Variants in ARHGEF12 observed in about 807,000 individuals in gnomAD.
ARHGEF12 encodes the protein Rho guanine nucleotide exchange factor 12, also known as KMT2A/ARHGEF12 fusion protein.
In ARHGEF12, 66 loss-of-function variants were observed where a neutral mutation model predicts 211.2. The observed-to-expected ratio is 0.31, with a 90% CI of 0.26 to 0.38. The LOEUF is 0.38. ARHGEF12 is among the 10% of genes least tolerant of loss of function. The probability of loss-of-function intolerance (pLI) is 1.00; values close to 1 mark genes in which losing one functional copy is unlikely to be tolerated. For synonymous variants in ARHGEF12, 592 were observed against 638.4 expected, an observed-to-expected ratio of 0.93 and a Z score of 1.09; for missense variants, 1,429 against 1,869.5, an observed-to-expected ratio of 0.76 and a Z score of 4.34.
chr11:120,429,131 A>G (rs1304709547), intron 8 of ARHGEF12, among the ~76,000 whole-genome samples: 1 of 152,222 alleles, frequency 6.6e-6, no homozygotes, highest in East Asian at 1.9e-4. Context: ...GATCGATAGT[A>G]AAGATCCAAA....
chr11:120,431,195 C>G (rs539021317), intron 10 of ARHGEF12, among the ~76,000 whole-genome samples: 39 of 152,162 alleles, frequency 2.6e-4, no homozygotes, highest in Non-Finnish European at 4.6e-4. Context: ...GAGGCTGAGG[C>G]AGGAGAATGG....
chr11:120,413,235 T>C (rs1944938443), intron 4 of ARHGEF12, among the ~76,000 whole-genome samples: 1 of 152,200 alleles, frequency 6.6e-6, no homozygotes, highest in Non-Finnish European at 1.5e-5. Flanking sequence ...TTGTCTTGAG[T>C]GAATTACCAC....
intron 2 of ARHGEF12, 81 bp from the exon 3 acceptor site, chr11:120,407,657 A>T: frequency 9.8e-7 from 1 of 1,018,216 alleles, no homozygotes; most frequent in South Asian, 1.4e-5. Context: ...TTTTTCTTGT[A>T]AGATCCACTT....
chr11:120,377,018 G>A (rs895246023), intron 1 of ARHGEF12, among the ~76,000 whole-genome samples: 33 of 152,114 alleles, frequency 2.2e-4, no homozygotes, highest in African/African-American at 6.7e-4. Context: ...TATATGTACC[G>A]CATTTTCTTT....
intron 27 of ARHGEF12, chr11:120,463,203 A>G (rs1294478690): frequency 6.6e-6 from 1 of 152,238 alleles, no homozygotes; most frequent in Non-Finnish European, 1.5e-5. Context: ...TCAGAAATCA[A>G]GGAACATCTA....
intron 1 of ARHGEF12, among the ~76,000 whole-genome samples, chr11:120,355,891 T>C (rs1181460706): frequency 6.6e-6 from 1 of 152,218 alleles, no homozygotes; most frequent in Non-Finnish European, 1.5e-5. Flanking sequence ...CAGGACACTT[T>C]AATAGGAGTG....
intron 1 of ARHGEF12, among the ~76,000 whole-genome samples, chr11:120,404,523 C>T (rs1221356461): frequency 6.6e-6 from 1 of 152,096 alleles, no homozygotes; most frequent in Admixed American, 6.5e-5. Flanking sequence ...GGACTGTGGG[C>T]GTGGTCCTTG....
At chr11:120,414,458 T>A (rs1591560454) in intron 4 of ARHGEF12, among the ~76,000 whole-genome samples, 7 of 152,154 alleles carry the variant, frequency 4.6e-5, no homozygotes, top group Admixed American at 4.6e-4. Flanking sequence ...TGTATAAAAT[T>A]CAAATTTATT....
At chr11:120,360,909 T>G (rs17123851) in intron 1 of ARHGEF12, among the ~76,000 whole-genome samples, 2,615 of 152,298 alleles carry the variant, frequency 0.017, 84 homozygotes, top group African/African-American at 0.06. Flanking sequence ...GAATACTATT[T>G]TTGGTCAGTT....
chr11:120,463,414 A>G (rs1247625214), intron 27 of ARHGEF12: 1 of 151,190 alleles, frequency 6.6e-6, no homozygotes, highest in Non-Finnish European at 1.5e-5. Context: ...AATCCCAGCT[A>G]CTCGGGAGGC....
At chr11:120,358,206 A>G (rs73010505) in intron 1 of ARHGEF12, among the ~76,000 whole-genome samples, 8 of 152,316 alleles carry the variant, frequency 5.3e-5, no homozygotes, top group East Asian at 1.9e-4. Flanking sequence ...GACATTTTTC[A>G]GTAATCCATA....
rs148969251 is a variant in ARHGEF12 at position 120,480,110 on chromosome 11, A to G, written c.3917A>G (p.Tyr1306Cys). Residue 1306 changes from tyrosine to cysteine, a missense_variant, in exon 38 of 41, where the codon TAT (tyrosine) becomes TGT (cysteine). By Grantham distance (194) the Tyr-to-Cys change is radical (BLOSUM62 -2). Coordinates refer to ENST00000397843, the MANE Select transcript of ARHGEF12 (RefSeq NM_015313.3). ...CAGAACTCTGAAAATATTAAGGCCT[A>G]TCATTCTGGTGAAGGACATATGCCC... ...VIQNSENIKA[Y>C]HSGEGHMPFR... 7.7e-3 allele frequency: 12,434 copies of G among 1,614,220 alleles called. 1,351 individuals carry two copies. The Admixed American group carries it at 0.19, about 24-fold the overall frequency.
chr11:120,451,413 A>C (rs937076654), intron 21 of ARHGEF12, 99 bp from the exon 22 acceptor site: 1 of 1,076,796 alleles, frequency 9.3e-7, no homozygotes, highest in Non-Finnish European at 1.4e-6. Context: ...TCCTGACCTC[A>C]TGATTCGCCC....
chr11:120,384,305 A>T (rs1031564483), intron 1 of ARHGEF12, among the ~76,000 whole-genome samples: 1 of 152,228 alleles, frequency 6.6e-6, no homozygotes, highest in African/African-American at 2.4e-5. Context: ...CTTGAGCTAT[A>T]ATTTATGTGG....
intron 1 of ARHGEF12, among the ~76,000 whole-genome samples, chr11:120,343,228 A>G (rs1053350031): frequency 2.6e-5 from 4 of 151,970 alleles, no homozygotes; most frequent in Non-Finnish European, 1.5e-5. Context: ...TTATTAGCAT[A>G]TTTTCTTTAG....
At chr11:120,476,878 G>T (rs911883907) in intron 34 of ARHGEF12, 130 bp downstream of exon 34, 1 of 670,814 alleles carries the variant, frequency 1.5e-6, no homozygotes, top group Admixed American at 3.3e-5. Flanking sequence ...TTTTAGAGAC[G>T]TTCTACTATG....
At chr11:120,470,261 C>T (rs1273174547) in intron 30 of ARHGEF12, among the ~76,000 whole-genome samples, 1 of 152,010 alleles carries the variant, frequency 6.6e-6, no homozygotes, top group Non-Finnish European at 1.5e-5. Context: ...ATGAAAGAGC[C>T]CATTTATTAA....
In ARHGEF12 at chr11:120,485,722, G is replaced by T; in HGVS notation, c.*645G>T. The T allele has an allele frequency of 4.3e-6, 1 of 233,764 alleles. No individual in the cohort carries two copies. The highest frequency in any genetic ancestry group is 8.5e-6 in the Non-Finnish European group (1 of 118,098). 14.5% of individuals were successfully genotyped at this position (233,764 alleles called of 1,614,324 possible). A position where few individuals can be genotyped will look rare whatever the true frequency, so the allele number is the denominator to read the frequency against. ...GTATGCTATGCCGTGTGGCTCTTAT[G>T]TGCCCAGGTGGTGTGGTCAGAGAGT... On this transcript the variant is annotated 3_prime_UTR_variant, in exon 41 of 41. Transcript: ENST00000397843.
intron 1 of ARHGEF12, among the ~76,000 whole-genome samples, chr11:120,401,956 T>TC (rs1318849701): frequency 6.6e-6 from 1 of 152,222 alleles, no homozygotes; most frequent in Non-Finnish European, 1.5e-5. Flanking sequence ...TTTGTTTTTC[T>TC]TAATAGTAAA....
Sources: allele counts gnomAD v4.1 joint callset (sites outside exome capture counted in the v4.1 genomes callset), GRCh38; gene constraint gnomAD v4.1.1; transcripts MANE v1.5; gene names NCBI Gene and HGNC (gene_info 2026-07-23, HGNC 2026-07-21).